CDC42BPA: variants seen among roughly 807,000 people sequenced by gnomAD.
CDC42BPA encodes the protein CDC42 binding protein kinase alpha, also known as serine/threonine-protein kinase MRCK alpha.
Under a neutral mutation model 223.5 loss-of-function variants are expected in CDC42BPA, and 80 were observed. The observed-to-expected ratio is 0.36, with a 90% CI of 0.30 to 0.43. The LOEUF (loss-of-function observed/expected upper bound fraction) is 0.43, where lower values mean the gene tolerates loss of function less well. CDC42BPA is among the 20% of genes least tolerant of loss of function. The probability of loss-of-function intolerance (pLI) is 1.00; values close to 1 mark genes in which losing one functional copy is unlikely to be tolerated. For missense variants in CDC42BPA, 1,743 were observed against 2,099.9 expected (o/e 0.83, Z 3.32); for synonymous variants, 694 against 718.6 (o/e 0.97, Z 0.55).
chr1:227,171,040 A>G (rs1233127273), intron 5 of CDC42BPA, among the ~76,000 whole-genome samples: 14 of 152,224 alleles, frequency 9.2e-5, no homozygotes, highest in African/African-American at 3.4e-4. Flanking sequence ...GCAGCCAGAC[A>G]ACCAGATACT....
intron 2 of CDC42BPA, among the ~76,000 whole-genome samples, chr1:227,233,312 C>T (rs1678378696): frequency 6.6e-6 from 1 of 152,174 alleles, no homozygotes; most frequent in Non-Finnish European, 1.5e-5. Context: ...GCTAGGATTA[C>T]AGGCATGAGC....
At chr1:227,253,240 A>AAGAGAGCG (rs1553418776) in intron 2 of CDC42BPA, among the ~76,000 whole-genome samples, 20 of 143,080 alleles carry the variant, frequency 1.4e-4, no homozygotes, top group African/African-American at 5.3e-4. Flanking sequence ...GAGAGAGAGA[A>AAGAGAGCG]AGAGAGCGAG....
chr1:227,095,672 AT>A (rs1426075608), intron 15 of CDC42BPA, among the ~76,000 whole-genome samples: 1 of 150,660 alleles, frequency 6.6e-6, no homozygotes, highest in African/African-American at 2.4e-5. Context: ...GCTCACTGCA[AT>A]CTCCGCCTTT....
Position 227,063,265 on chromosome 1 carries a change from T to C in CDC42BPA, c.2904+6512A>G, listed in dbSNP as rs1572570442. On this transcript the variant is annotated intron_variant, in intron 21 of 36. Transcript: ENST00000366766. Reference sequence around the variant, plus strand: ...AACACTATAAACCAGCACCTTGTCTTAATGTGCAACCAAATACCACTTTAA... The same window carrying C: ...AACACTATAAACCAGCACCTTGTCTCAATGTGCAACCAAATACCACTTTAA... Among the ~76,000 whole-genome samples the C allele has an allele frequency of 3.3e-5, 5 of 152,280 alleles. No individual in the cohort carries two copies. The South Asian group carries it at 1.0e-3, about 32-fold the overall frequency.
chr1:227,054,080 T>C (rs1249814198), intron 21 of CDC42BPA, among the ~76,000 whole-genome samples: 1 of 152,194 alleles, frequency 6.6e-6, no homozygotes, highest in Non-Finnish European at 1.5e-5. Context: ...GGACTTTCTA[T>C]GTGTAAGAAA....
chr1:227,151,432 T>C (rs1266959882), intron 6 of CDC42BPA, among the ~76,000 whole-genome samples: 1 of 152,200 alleles, frequency 6.6e-6, no homozygotes, highest in Non-Finnish European at 1.5e-5. Context: ...ACAATGCTGC[T>C]CTAAAAATGA....
At chr1:227,097,781 T>A (rs1572790312) in intron 15 of CDC42BPA, among the ~76,000 whole-genome samples, 1 of 152,270 alleles carries the variant, frequency 6.6e-6, no homozygotes, top group East Asian at 1.9e-4. Flanking sequence ...ACAACTTCAG[T>A]AAACACACTG....
intron 21 of CDC42BPA, among the ~76,000 whole-genome samples, chr1:227,057,165 G>GA (rs1311571817): frequency 1.3e-5 from 2 of 152,106 alleles, no homozygotes; most frequent in African/African-American, 4.8e-5. Flanking sequence ...CACTATTAAT[G>GA]AAAGCACTGT....
At position 227,275,801 on chromosome 1, in the gene CDC42BPA, G is replaced by A. The variant is rs373274894; in HGVS notation, c.179-21646C>T. On this transcript the variant is annotated intron_variant, in intron 1 of 36. Coordinates refer to ENST00000366766, the MANE Select transcript of CDC42BPA (RefSeq NM_001394014.1). ...TATTTTTTGGTGGAGAAGGGGTTTC[G>A]CCATGTTCGCCGGGCTGGTCTCCAG... 9.8e-5 allele frequency among the ~76,000 whole-genome samples: 15 copies of A among 152,292 alleles called. No homozygotes were observed. The East Asian group carries it at 2.5e-3, about 25-fold the overall frequency.
intron 6 of CDC42BPA, among the ~76,000 whole-genome samples, chr1:227,151,557 C>G (rs183949122): frequency 2.6e-5 from 4 of 152,056 alleles, no homozygotes; most frequent in African/African-American, 4.8e-5. Context: ...GCTACCTATA[C>G]CATTTTCCAT....
At chr1:227,043,357 G>A (rs1400273908) in intron 23 of CDC42BPA, among the ~76,000 whole-genome samples, 1 of 149,350 alleles carries the variant, frequency 6.7e-6, no homozygotes, top group Non-Finnish European at 1.5e-5. Flanking sequence ...AGGCTGCAGC[G>A]AGCTGAGATC....
intron 5 of CDC42BPA, among the ~76,000 whole-genome samples, chr1:227,187,075 T>C (rs1276563017): frequency 6.6e-6 from 1 of 152,210 alleles, no homozygotes; most frequent in Admixed American, 6.5e-5. Context: ...CCTCAAGCTT[T>C]GGGCTCAAAG....
intron 23 of CDC42BPA, among the ~76,000 whole-genome samples, chr1:227,046,097 C>T (rs868031154): frequency 1.3e-5 from 2 of 152,064 alleles, no homozygotes; most frequent in African/African-American, 2.4e-5. Context: ...TGAGCCACCA[C>T]GTATCCCTGA....
intron 2 of CDC42BPA, among the ~76,000 whole-genome samples, chr1:227,244,035 C>T (rs1680479806): frequency 6.6e-6 from 1 of 151,726 alleles, no homozygotes; most frequent in Admixed American, 6.6e-5. Context: ...AAAAAAGACC[C>T]ATGTTAGCGA....
intron 1 of CDC42BPA, among the ~76,000 whole-genome samples, chr1:227,262,829 C>T (rs1029674893): frequency 1.3e-5 from 2 of 152,206 alleles, no homozygotes; most frequent in Non-Finnish European, 2.9e-5. Flanking sequence ...AAATATAACT[C>T]ACCTAAACAT....
chr1:227,040,134 C>T lies in CDC42BPA; in HGVS notation c.3196G>A (p.Glu1066Lys). ...VGLIRQGCSC[E>K]VCGFSCHITC... is the part of the protein sequence containing the mutation. ...TTTCTTTCCTTTGTGTTCTTACCTT[C>T]ACATGAACAGCCCTGTCTTATTAAA... Residue 1066 changes from glutamate (E) to lysine (K), a missense_variant, in exon 24 of 37, where the codon GAA becomes AAA. Around this residue, in one of 6 missense-constraint regions of CDC42BPA, gnomAD observed 678 missense variants for 777.5 expected, o/e 0.87. Coordinates refer to ENST00000366766, the MANE Select transcript of CDC42BPA (RefSeq NM_001394014.1). The T allele has an allele frequency of 6.4e-7, 1 of 1,572,884 alleles. No homozygotes were observed. The highest frequency in any genetic ancestry group is 8.8e-7 in the Non-Finnish European group (1 of 1,142,740).
chr1:227,057,713 GTAA>G (rs1183683654), intron 21 of CDC42BPA, among the ~76,000 whole-genome samples: 4 of 152,140 alleles, frequency 2.6e-5, no homozygotes, highest in South Asian at 2.1e-4. Context: ...ATAATCATAT[GTAA>G]TAATAAGTCA....
In CDC42BPA at chr1:227,033,435, T is replaced by C; in HGVS notation, c.3477-20A>G. 1 of 1,572,892 alleles carries C rather than the reference T, an allele frequency of 6.4e-7. No homozygotes were observed. The highest frequency in any genetic ancestry group is 1.1e-5 in the South Asian group (1 of 90,236). ...TCATCCCTGAACGAAAAGCAAAGCA[T>C]TAAAAGTTACTATATGTGGCTATGT... On this transcript the variant is annotated intron_variant, in intron 26 of 36. Transcript: ENST00000366766.
rs181711951 is a variant in CDC42BPA, at chr1:227,145,353, C to T, written c.1143+136G>A. 1,299 of 627,940 alleles carry T rather than the reference C, an allele frequency of 2.1e-3. 6 individuals are homozygous for T. The highest frequency in any genetic ancestry group is 1.7e-3 in the Non-Finnish European group (655 of 376,648). 38.9% of individuals were successfully genotyped at this position (627,940 alleles called of 1,614,324 possible). A position where few individuals can be genotyped will look rare whatever the true frequency, so the allele number is the denominator to read the frequency against. ...ATTTGATTTGTGACAGAATAAGCAC[C>T]AGAAGCCATGATCACTGACTAATAA... On this transcript the variant is annotated intron_variant, in intron 8 of 36. Coordinates refer to ENST00000366766, the MANE Select transcript of CDC42BPA (RefSeq NM_001394014.1).
Sources: allele counts gnomAD v4.1 joint callset (sites outside exome capture counted in the v4.1 genomes callset), GRCh38; gene constraint gnomAD v4.1.1; regional missense constraint gnomAD v4.1.1; transcripts MANE v1.5; gene names NCBI Gene and HGNC (gene_info 2026-07-23, HGNC 2026-07-21).